The following SAFB2 variants were observed in gnomAD, a reference collection of about 807,000 sequenced individuals.
SAFB2 encodes scaffold attachment factor B2.
SAFB2 carries 32 observed loss-of-function variants against 100.6 expected under a neutral mutation model. That is an observed-to-expected ratio of 0.32 (90% confidence interval 0.24 to 0.43). SAFB2 has a LOEUF of 0.43. Ranked by LOEUF, SAFB2 falls within the 20% of genes least tolerant of loss-of-function variation. The pLI is 1.00. For synonymous variants in SAFB2, 500 were observed against 439.4 expected (o/e 1.14, Z -1.72); for missense variants, 1,185 against 1,163.4 (o/e 1.02, Z -0.27).
chr19:5,616,709 C>T (rs1023169732), intron 2 of SAFB2, among the ~76,000 whole-genome samples: 12 of 126,396 alleles, frequency 9.5e-5, no homozygotes, highest in Admixed American at 6.2e-4. Flanking sequence ...TGGAGTGCAG[C>T]GGCACAATCT....
At chr19:5,595,260 G>C in intron 14 of SAFB2, 101 bp downstream of exon 14, 1 of 1,465,900 alleles carries the variant, frequency 6.8e-7, no homozygotes, top group Non-Finnish European at 9.2e-7. Context: ...CCAGGCACTG[G>C]CTCTCGGGCA....
At chr19:5,612,475 G>A (rs2052928898) in intron 6 of SAFB2, 65 bp downstream of exon 6, 1 of 1,391,716 alleles carries the variant, frequency 7.2e-7, no homozygotes, top group Non-Finnish European at 1.0e-6. Context: ...TTAAAATATA[G>A]ACAGCTTTAA....
chr19:5,589,328 G>A (rs982401125), intron 18 of SAFB2, among the ~76,000 whole-genome samples: 8 of 152,214 alleles, frequency 5.3e-5, no homozygotes, highest in African/African-American at 1.9e-4. Flanking sequence ...CACCGTCTGT[G>A]CTGCCCAGAG....
Position 5,590,366 on chromosome 19 carries a change from G to C in SAFB2, c.2437C>G (p.Arg813Gly). 6.2e-7 allele frequency: 1 copy of C among 1,611,868 alleles called. No individual in the cohort carries two copies. The highest frequency in any genetic ancestry group is 2.2e-5 in the East Asian group (1 of 44,756). Residue 813 changes from arginine to glycine, a missense_variant, in exon 18 of 21, where the codon CGC (arginine) becomes GGC (glycine). Transcript: ENST00000252542. ...CCATCACGGGAGTCCCGGCCGTGGC[G>C]CTCTGGGGGTCCTCCGTGGCCATGG... ...DRHGHGGPPE[R>G]HGRDSRDGWG...
chr19:5,608,775 C>T (rs73542948), intron 9 of SAFB2, among the ~76,000 whole-genome samples: 5,530 of 152,242 alleles, frequency 0.036, 307 homozygotes, highest in African/African-American at 0.12. Context: ...CTTGGCTAGG[C>T]GCGGTGGCTC....
intron 15 of SAFB2, chr19:5,593,528 G>A: frequency 4.4e-6 from 1 of 224,976 alleles, no homozygotes; most frequent in East Asian, 1.0e-4. Context: ...GAGACCGGCA[G>A]AGTCAGCGGT....
At chr19:5,611,952 G>A in intron 6 of SAFB2, 1 of 465,210 alleles carries the variant, frequency 2.1e-6, no homozygotes, top group Admixed American at 3.5e-5. Flanking sequence ...CAATGTCCAA[G>A]GTGCTGAACC....
intron 14 of SAFB2, 28 bp downstream of exon 14, chr19:5,595,333 G>A: frequency 6.2e-7 from 1 of 1,601,588 alleles, no homozygotes. Context: ...GAAACCACCA[G>A]CCCACAGCCT....
rs766256654 is a variant in SAFB2, at chr19:5,595,377, C to G, written c.1903G>C (p.Glu635Gln). Residue 635 changes from glutamate to glutamine, a missense_variant, in exon 14 of 21, where the codon GAA (glutamate) becomes CAA (glutamine). This residue lies in a region of SAFB2 where 740 missense variants were observed against 687.1 expected (regional missense o/e 1.08). Transcript: ENST00000252542. The part of the protein sequence containing the change: ...RQRQREREIR[E>Q]TERRREREQR... Reference sequence around the variant, plus strand: ...TCCACTCACCGCCGCCTCTCCGTTTCGCGGATCTCCCGTTCCCGCTGCCTC... The same window carrying G: ...TCCACTCACCGCCGCCTCTCCGTTTGGCGGATCTCCCGTTCCCGCTGCCTC... The G allele has an allele frequency of 2.5e-6, 4 of 1,611,354 alleles. No individual in the cohort carries two copies. In the African/African-American group the frequency reaches 5.3e-5, roughly 22 times the overall value.
intron 13 of SAFB2, chr19:5,598,464 C>A: frequency 9.3e-6 from 3 of 323,714 alleles, no homozygotes; most frequent in South Asian, 4.1e-5. Flanking sequence ...ATTAAGTCAA[C>A]CAAAGAGTAG....
chr19:5,622,312 A>G (rs2053176726), intron 1 of SAFB2, among the ~76,000 whole-genome samples: 2 of 152,118 alleles, frequency 1.3e-5, no homozygotes, highest in Admixed American at 1.3e-4. Flanking sequence ...GCGCTTGAGG[A>G]GAAAAGGTGG....
chr19:5,621,486 G>C (rs1207463626), intron 1 of SAFB2, 90 bp from the exon 2 acceptor site: 2 of 882,456 alleles, frequency 2.3e-6, no homozygotes, highest in African/African-American at 3.3e-5. Context: ...TGAAACAAAG[G>C]CAAACCCGTC....
rs753455908 is a variant in SAFB2 at position 5,604,680 on chromosome 19, C to T, written c.1462G>A (p.Ala488Thr). Reference protein sequence around the residue: ...ISVEKAKNEPAGKKLSDRKEC... With the variant: ...ISVEKAKNEPTGKKLSDRKEC... The stretch of plus-strand genomic sequence containing the variant: ...TTTCTGTCGGAAAGCTTTTTCCCAG[C>T]AGGCTCATTTTTGGCCTAAAATATA... The change falls in exon 11 of 21, where the codon GCT becomes ACT. Residue 488 changes from alanine to threonine, a missense_variant. Ala to Thr is a moderately conservative substitution (Grantham distance 58). Around this residue, in one of 3 missense-constraint regions of SAFB2, gnomAD observed 94 missense variants for 135.1 expected, o/e 0.70. Transcript: ENST00000252542. 1.2e-6 allele frequency: 2 copies of T among 1,614,174 alleles called. No individual in the cohort carries two copies. Among genetic ancestry groups the T allele is most frequent in the South Asian group, 2.2e-5 (2 of 91,082 alleles).
chr19:5,609,334 C>T (rs545375270), intron 9 of SAFB2, among the ~76,000 whole-genome samples: 12 of 140,026 alleles, frequency 8.6e-5, no homozygotes, highest in African/African-American at 3.2e-4. Flanking sequence ...GACATAGTCT[C>T]GCTCTGTTAC....
rs1478572407 is a variant in SAFB2, at chr19:5,610,705, A to G, written c.1146-17T>C. The G allele has an allele frequency of 2.0e-6, 3 of 1,504,986 alleles. No individual in the cohort carries two copies. The highest frequency in any genetic ancestry group is 2.7e-6 in the Non-Finnish European group (3 of 1,092,320). 93.2% of individuals were successfully genotyped at this position (1,504,986 alleles called of 1,614,324 possible). ...TTAAAAGAGCTAGAGACAAAAGTTA[A>G]TGTTACTCATACAGGAAAAAAACGA... On this transcript the variant is annotated splice_polypyrimidine_tract_variant and intron_variant, in intron 7 of 20. Transcript: ENST00000252542.
intron 13 of SAFB2, among the ~76,000 whole-genome samples, chr19:5,596,242 G>A (rs999022548): frequency 6.6e-6 from 1 of 152,238 alleles, no homozygotes; most frequent in African/African-American, 2.4e-5. Context: ...CAGCCTGGGT[G>A]ACAGAGCGGG....
At chr19:5,608,728 G>C (rs2052833745) in intron 9 of SAFB2, among the ~76,000 whole-genome samples, 1 of 152,196 alleles carries the variant, frequency 6.6e-6, no homozygotes, top group South Asian at 2.1e-4. Context: ...GAGGCACCCA[G>C]GAGACCAGGG....
rs371059125 is a variant in SAFB2 at position 5,613,437 on chromosome 19, A to T, written c.606+28T>A. 2.1e-5 allele frequency: 34 copies of T among 1,587,798 alleles called. No homozygotes were observed. In the African/African-American group the frequency reaches 3.6e-4, roughly 17 times the overall value. ...AATCAACCACTCGATTAACATTTCC[A>T]GCGATGCAGAACCAGATGGTAACTT... On this transcript the variant is annotated intron_variant, in intron 5 of 20. Coordinates refer to ENST00000252542, the MANE Select transcript of SAFB2 (RefSeq NM_014649.3).
intron 2 of SAFB2, 126 bp from the exon 3 acceptor site, chr19:5,616,612 T>G: frequency 1.4e-6 from 1 of 690,542 alleles, no homozygotes. Context: ...TCCCCTCTCC[T>G]GTCACACGTA....
Sources: gnomAD v4.1 joint callset for allele counts (sites outside exome capture counted in the v4.1 genomes callset) on GRCh38, gnomAD v4.1.1 for gene constraint, gnomAD v4.1.1 regional missense constraint, MANE v1.5 for transcripts, NCBI Gene and HGNC (gene_info 2026-07-23, HGNC 2026-07-21) for gene names.